Variants in ACOXL observed in about 807,000 individuals in gnomAD.
ACOXL encodes the protein acyl-coenzyme A oxidase-like protein.
ACOXL carries 70 observed loss-of-function variants against 71.9 expected under a neutral mutation model. That is an observed-to-expected ratio of 0.97 (90% confidence interval 0.80 to 1.19). The LOEUF is 1.19. ACOXL is among the 50% of genes most tolerant of loss of function. The probability of loss-of-function intolerance (pLI) is 0.00; values close to 1 mark genes in which losing one functional copy is unlikely to be tolerated. For missense variants in ACOXL, 703 were observed against 736.3 expected (o/e 0.95, Z 0.52); for synonymous variants, 253 against 281.6 (o/e 0.90, Z 1.02).
intron 16 of ACOXL, among the ~76,000 whole-genome samples, chr2:111,075,297 T>G (rs2149948012): frequency 6.6e-6 from 1 of 152,320 alleles, no homozygotes; most frequent in South Asian, 2.1e-4. Flanking sequence ...TTGTTATGTA[T>G]TTCATTTCGT....
chr2:111,077,837 A>G (rs2067679596), intron 16 of ACOXL, among the ~76,000 whole-genome samples: 1 of 151,860 alleles, frequency 6.6e-6, no homozygotes, highest in Non-Finnish European at 1.5e-5. Flanking sequence ...GCTTTCAAGA[A>G]TTTTTCTTTG....
At chr2:111,041,830 C>T (rs757766187) in intron 15 of ACOXL, among the ~76,000 whole-genome samples, 9 of 152,212 alleles carry the variant, frequency 5.9e-5, no homozygotes, top group Non-Finnish European at 1.2e-4. Flanking sequence ...TGAAAGGGCT[C>T]TGCCATTCAG....
chr2:111,053,941 A>G (rs1274991970), intron 16 of ACOXL, among the ~76,000 whole-genome samples: 1 of 152,214 alleles, frequency 6.6e-6, no homozygotes, highest in African/African-American at 2.4e-5. Flanking sequence ...GACAAGAGCT[A>G]GTATTGAAGG....
chr2:110,849,237 C>T (rs1692297832), intron 10 of ACOXL, among the ~76,000 whole-genome samples: 1 of 152,212 alleles, frequency 6.6e-6, no homozygotes, highest in African/African-American at 2.4e-5. Context: ...CCCTCTATGT[C>T]CTTACAGCCA....
chr2:110,824,349 A>G (rs1267236548), intron 9 of ACOXL, among the ~76,000 whole-genome samples: 1 of 152,170 alleles, frequency 6.6e-6, no homozygotes, highest in Non-Finnish European at 1.5e-5. Flanking sequence ...TTGCATTTTT[A>G]AATAAATTTT....
intron 12 of ACOXL, among the ~76,000 whole-genome samples, chr2:110,951,770 G>T (rs1375247331): frequency 6.6e-6 from 1 of 152,112 alleles, no homozygotes; most frequent in Non-Finnish European, 1.5e-5. Flanking sequence ...CTGTTAATGT[G>T]ATGAATTTAC....
At chr2:111,109,669 C>CTTTTTTT (rs1392518341) in intron 17 of ACOXL, among the ~76,000 whole-genome samples, 17 of 83,120 alleles carry the variant, frequency 2.0e-4, no homozygotes, top group African/African-American at 5.2e-4. Flanking sequence ...TTTTCTCCTT[C>CTTTTTTT]TATTTTTTTT....
chr2:110,828,960 C>T (rs897949884), intron 9 of ACOXL, among the ~76,000 whole-genome samples: 2 of 152,068 alleles, frequency 1.3e-5, no homozygotes, highest in Non-Finnish European at 2.9e-5. Flanking sequence ...TACAGGCATG[C>T]ACCACCACGT....
chr2:110,995,944 A>T lies in ACOXL; in HGVS notation c.1221A>T (p.Lys407Asn). Reference protein sequence around the residue: ...DTVDDLAFLLKAVKFRERVLQ... With the variant: ...DTVDDLAFLLNAVKFRERVLQ... ...TTGATGATCTCGCCTTTCTGTTGAAAGCAGTGAAATTTCGTGAAAGGGTTC... is the reference window on the plus strand; with the variant it reads ...TTGATGATCTCGCCTTTCTGTTGAATGCAGTGAAATTTCGTGAAAGGGTTC... Residue 407 changes from lysine (K) to asparagine (N), a missense_variant, in exon 14 of 18, where the codon AAA becomes AAT. By Grantham distance (94) the Lys-to-Asn change is moderately conservative (BLOSUM62 0). Coordinates refer to ENST00000439055, the MANE Select transcript of ACOXL (RefSeq NM_001142807.4). 1 of 1,609,466 alleles carries T rather than the reference A, an allele frequency of 6.2e-7. No individual in the cohort carries two copies. The highest frequency in any genetic ancestry group is 8.5e-7 in the Non-Finnish European group (1 of 1,179,928).
intron 1 of ACOXL, among the ~76,000 whole-genome samples, chr2:110,757,511 T>C (rs1679851287): frequency 6.6e-6 from 1 of 152,132 alleles, no homozygotes; most frequent in South Asian, 2.1e-4. Context: ...ATTTACACTT[T>C]TACCAACAGT....
chr2:111,113,506 T>C (rs2070134640), intron 17 of ACOXL, among the ~76,000 whole-genome samples: 2 of 152,222 alleles, frequency 1.3e-5, no homozygotes, highest in African/African-American at 4.8e-5. Flanking sequence ...GACAGCTAAG[T>C]AGCTCCCTTC....
intron 12 of ACOXL, among the ~76,000 whole-genome samples, chr2:110,970,061 A>G (rs1305895390): frequency 6.6e-6 from 1 of 152,022 alleles, no homozygotes. Flanking sequence ...GAAGAATGTT[A>G]CTCTCTCCTC....
At chr2:110,821,656 G>A (rs900928087) in intron 9 of ACOXL, among the ~76,000 whole-genome samples, 3 of 152,008 alleles carry the variant, frequency 2.0e-5, no homozygotes, top group Admixed American at 6.6e-5. Context: ...CTTTTCATAC[G>A]ATCAGCCCAC....
intron 10 of ACOXL, among the ~76,000 whole-genome samples, chr2:110,859,894 G>A (rs1181125349): frequency 1.3e-5 from 2 of 152,014 alleles, no homozygotes; most frequent in South Asian, 2.1e-4. Context: ...GAGAGGAGGC[G>A]GCTTCTAGAA....
chr2:110,986,646 T>TA (rs2062946514), intron 12 of ACOXL, among the ~76,000 whole-genome samples: 4 of 152,190 alleles, frequency 2.6e-5, no homozygotes, highest in African/African-American at 7.2e-5. Flanking sequence ...AATTATAACT[T>TA]TAAAGCTGCT....
chr2:110,747,760 T>C (rs1281353615), intron 1 of ACOXL, among the ~76,000 whole-genome samples: 1 of 152,158 alleles, frequency 6.6e-6, no homozygotes. Context: ...TTGTGTTTTT[T>C]TTATGGCTTG....
chr2:111,044,237 G>A (rs2065913811), intron 15 of ACOXL, among the ~76,000 whole-genome samples: 1 of 152,184 alleles, frequency 6.6e-6, no homozygotes, highest in South Asian at 2.1e-4. Context: ...AGACACTCAA[G>A]GTCTGTCCAC....
chr2:111,095,496 A>G (rs2068757406), intron 17 of ACOXL, among the ~76,000 whole-genome samples: 1 of 144,868 alleles, frequency 6.9e-6, no homozygotes, highest in Non-Finnish European at 1.5e-5. Flanking sequence ...GGCTCAAGTG[A>G]TTCCTTGCCT....
At chr2:111,040,330 C>T (rs2065719995) in intron 15 of ACOXL, among the ~76,000 whole-genome samples, 1 of 152,356 alleles carries the variant, frequency 6.6e-6, no homozygotes, top group Admixed American at 6.5e-5. Context: ...ATCTCTCAGC[C>T]TCCTACTGCT....
Sources: allele counts gnomAD v4.1 joint callset (sites outside exome capture counted in the v4.1 genomes callset), GRCh38; gene constraint gnomAD v4.1.1; transcripts MANE v1.5; gene names NCBI Gene and HGNC (gene_info 2026-07-23, HGNC 2026-07-21).